Variants in SGMS1 observed in about 807,000 individuals in gnomAD.
SGMS1 encodes sphingomyelin synthase 1.
In SGMS1, 13 loss-of-function variants were observed where a neutral mutation model predicts 46.2. The observed-to-expected ratio is 0.28, with a 90% CI of 0.18 to 0.45. The LOEUF is 0.45. Ranked by LOEUF, SGMS1 falls within the 20% of genes least tolerant of loss-of-function variation. The pLI, the probability that SGMS1 is intolerant of heterozygous loss-of-function variation, is 1.00. For synonymous variants in SGMS1, 203 were observed against 187.8 expected (o/e 1.08, Z -0.66); for missense variants, 324 against 519.9 (o/e 0.62, Z 3.66).
intron 6 of SGMS1, among the ~76,000 whole-genome samples, chr10:50,378,625 T>C (rs1848555019): frequency 6.6e-6 from 1 of 152,188 alleles, no homozygotes; most frequent in South Asian, 2.1e-4. Flanking sequence ...CTCATATATA[T>C]ATAGTAAGAT....
chr10:50,578,680 T>C (rs945229146), intron 2 of SGMS1, among the ~76,000 whole-genome samples: 5 of 152,192 alleles, frequency 3.3e-5, no homozygotes, highest in African/African-American at 1.2e-4. Context: ...ATACCAATGC[T>C]GCAAATTCTG....
At chr10:50,311,123 C>T (rs912999316) in intron 9 of SGMS1, 139 bp downstream of exon 9, 26 of 959,320 alleles carry the variant, frequency 2.7e-5, no homozygotes, top group Admixed American at 7.1e-5. Context: ...AGTTGCATGG[C>T]GATGAGATGA....
At chr10:50,338,449 C>T (rs1039597293) in intron 7 of SGMS1, among the ~76,000 whole-genome samples, 4 of 152,066 alleles carry the variant, frequency 2.6e-5, no homozygotes, top group Non-Finnish European at 5.9e-5. Context: ...TCATTTCGCT[C>T]GGAAATAAAA....
intron 2 of SGMS1, among the ~76,000 whole-genome samples, chr10:50,550,576 A>G (rs1370101041): frequency 1.3e-5 from 2 of 151,982 alleles, no homozygotes; most frequent in East Asian, 3.9e-4. Flanking sequence ...CTCCTATACT[A>G]TCTATCCCGG....
At position 50,307,994 on chromosome 10, in the gene SGMS1, C is replaced by T; in HGVS notation, c.1050G>A (p.Met350Ile). The change falls in exon 10 of 11, where the codon ATG (methionine) becomes ATA (isoleucine). Residue 350 changes from methionine to isoleucine, a missense_variant. Met to Ile is a conservative substitution (Grantham distance 10). This residue lies in a region of SGMS1 where 174 missense variants were observed against 350.1 expected (regional missense o/e 0.50). Coordinates refer to ENST00000361781, the MANE Select transcript of SGMS1 (RefSeq NM_147156.4). The surrounding 1 kb of genome is among the most constrained non-coding windows in gnomAD (Gnocchi z 4.2). ...CGGGGAAACTCACTTGCTGATTGGC[C>T]ATAGTGTGATACCACCAGAAGAGTC... is the stretch of plus-strand genomic sequence containing the variant. Reference protein sequence around the residue: ...TTRLFWWYHTMANQQVLKEAS... With the variant: ...TTRLFWWYHTIANQQVLKEAS... 6.2e-7 allele frequency: 1 copy of T among 1,613,674 alleles called. No homozygotes were observed. The highest frequency in any genetic ancestry group is 8.5e-7 in the Non-Finnish European group (1 of 1,179,880).
At chr10:50,441,092 G>A (rs922692835) in intron 5 of SGMS1, among the ~76,000 whole-genome samples, 6 of 152,174 alleles carry the variant, frequency 3.9e-5, no homozygotes, top group Admixed American at 2.0e-4. Flanking sequence ...GCATCCAGTC[G>A]ACAAAGTGTT....
At chr10:50,508,054 C>T (rs1472782066) in intron 3 of SGMS1, among the ~76,000 whole-genome samples, 1 of 152,198 alleles carries the variant, frequency 6.6e-6, no homozygotes, top group Non-Finnish European at 1.5e-5. Context: ...CTGGCCCCAG[C>T]AACTCAGCCA....
chr10:50,530,317 CTCATT>C (rs1260136137), intron 2 of SGMS1, among the ~76,000 whole-genome samples: 1 of 152,174 alleles, frequency 6.6e-6, no homozygotes, highest in African/African-American at 2.4e-5. Context: ...TCATTAGCAG[CTCATT>C]TCATTACATG....
At chr10:50,568,902 CG>C (rs773189150) in intron 2 of SGMS1, among the ~76,000 whole-genome samples, 25 of 151,890 alleles carry the variant, frequency 1.6e-4, no homozygotes, top group Non-Finnish European at 2.6e-4. Context: ...CCAACCCAAA[CG>C]CCTGTCAATG....
intron 6 of SGMS1, among the ~76,000 whole-genome samples, chr10:50,408,804 AG>A (rs1849058924): frequency 6.6e-6 from 1 of 152,196 alleles, no homozygotes; most frequent in South Asian, 2.1e-4. Context: ...TGAGCTTGGG[AG>A]TTCATGCTGC....
chr10:50,466,039 G>A (rs547559701), intron 4 of SGMS1, among the ~76,000 whole-genome samples: 1 of 152,264 alleles, frequency 6.6e-6, no homozygotes, highest in South Asian at 2.1e-4. Context: ...TAAGGGTAAA[G>A]GGTGGTCTAT....
At chr10:50,508,742 C>T (rs190264977) in intron 3 of SGMS1, among the ~76,000 whole-genome samples, 21 of 152,256 alleles carry the variant, frequency 1.4e-4, no homozygotes, top group Non-Finnish European at 2.9e-4. Flanking sequence ...AAGAAGTTGT[C>T]GGTGAAGTTC....
At chr10:50,557,894 G>A (rs1564431545) in intron 2 of SGMS1, among the ~76,000 whole-genome samples, 1 of 152,110 alleles carries the variant, frequency 6.6e-6, no homozygotes, top group African/African-American at 2.4e-5. Context: ...GGACTGACAG[G>A]GAAATAAAGA....
chr10:50,444,484 T>C (rs1836983142), intron 5 of SGMS1, among the ~76,000 whole-genome samples: 1 of 152,166 alleles, frequency 6.6e-6, no homozygotes, highest in African/African-American at 2.4e-5. Context: ...GACCAAGATG[T>C]CAAAATAATT....
intron 3 of SGMS1, among the ~76,000 whole-genome samples, chr10:50,506,020 A>C (rs1837703831): frequency 6.6e-6 from 1 of 151,652 alleles, no homozygotes; most frequent in South Asian, 2.1e-4. Context: ...CCTCCTGATT[A>C]CTCTATCTTC....
In SGMS1 at chr10:50,426,759, A is replaced by G. The variant is rs76754253; in HGVS notation, c.-232+6717T>C. Reference sequence around the variant, plus strand: ...GCTTGACATAGAAACCACTAGTCAGACAGACCTCTATGAGCTATTGATTTC... The same window carrying G: ...GCTTGACATAGAAACCACTAGTCAGGCAGACCTCTATGAGCTATTGATTTC... On this transcript the variant is annotated intron_variant, in intron 6 of 10. Transcript: ENST00000361781. 4.6e-3 allele frequency among the ~76,000 whole-genome samples: 694 copies of G among 152,340 alleles called. 15 individuals are homozygous for G. The East Asian group carries it at 0.051, about 11-fold the overall frequency.
intron 5 of SGMS1, among the ~76,000 whole-genome samples, chr10:50,446,661 T>G (rs1362787584): frequency 6.6e-6 from 1 of 152,106 alleles, no homozygotes; most frequent in African/African-American, 2.4e-5. Context: ...ATAAGCACAC[T>G]CAGTATAACT....
At chr10:50,401,300 C>A (rs1848937026) in intron 6 of SGMS1, among the ~76,000 whole-genome samples, 1 of 152,184 alleles carries the variant, frequency 6.6e-6, no homozygotes, top group African/African-American at 2.4e-5. Flanking sequence ...ACTAGAAACT[C>A]TTTCTTTAAA....
chr10:50,566,150 T>C (rs1229302461), intron 2 of SGMS1, among the ~76,000 whole-genome samples: 1 of 152,256 alleles, frequency 6.6e-6, no homozygotes, highest in East Asian at 1.9e-4. Flanking sequence ...TGACAACCTT[T>C]GGCTTTCATA....
Sources: gnomAD v4.1 joint callset for allele counts (sites outside exome capture counted in the v4.1 genomes callset) on GRCh38, gnomAD v4.1.1 for gene constraint, gnomAD v4.1.1 regional missense constraint, Gnocchi (gnomAD v3.1) non-coding constraint, MANE v1.5 for transcripts, NCBI Gene and HGNC (gene_info 2026-07-23, HGNC 2026-07-21) for gene names.